Variants in RBFOX1 observed in about 807,000 individuals in gnomAD.
RBFOX1 encodes the protein RNA binding protein fox-1 homolog 1.
Under a neutral mutation model 57.7 loss-of-function variants are expected in RBFOX1, and 8 were observed. That is an observed-to-expected ratio of 0.14 (90% CI 0.08 to 0.25). RBFOX1 has a LOEUF of 0.25. RBFOX1 is among the 10% of genes least tolerant of loss of function. The pLI is 1.00. For missense variants in RBFOX1, 611 were observed against 548.5 expected (o/e 1.11, Z -1.14); for synonymous variants, 326 against 222.4 (o/e 1.47, Z -4.15).
intron 4 of RBFOX1, among the ~76,000 whole-genome samples, chr16:7,172,918 A>G (rs1157203502): frequency 1.3e-5 from 2 of 152,214 alleles, no homozygotes; most frequent in African/African-American, 2.4e-5. Flanking sequence ...AGAGACTTGA[A>G]TATCCTAGAG....
chr16:6,277,589 G>C (rs1333918683), intron 1 of RBFOX1, among the ~76,000 whole-genome samples: 19 of 150,036 alleles, frequency 1.3e-4, no homozygotes, highest in East Asian at 2.0e-4. Context: ...CTGGGCAATA[G>C]AGTGAGGTCG....
intron 4 of RBFOX1, among the ~76,000 whole-genome samples, chr16:7,464,665 G>A (rs940665069): frequency 4.2e-5 from 6 of 141,200 alleles, no homozygotes; most frequent in South Asian, 2.3e-4. Flanking sequence ...CTCCCCGCCC[G>A]AAATACTTCT....
At chr16:6,297,126 G>A (rs897121831) in intron 1 of RBFOX1, among the ~76,000 whole-genome samples, 1 of 152,144 alleles carries the variant, frequency 6.6e-6, no homozygotes, top group African/African-American at 2.4e-5. Flanking sequence ...TAGCGGTGAG[G>A]ACCACCAGAA....
chr16:7,687,164 A>G (rs1026767728), intron 14 of RBFOX1, among the ~76,000 whole-genome samples: 5 of 152,074 alleles, frequency 3.3e-5, no homozygotes, highest in African/African-American at 4.8e-5. Context: ...TCATTCTACA[A>G]TTTGCCACAG....
chr16:6,972,455 G>A (rs189344249), intron 3 of RBFOX1, among the ~76,000 whole-genome samples: 2 of 152,128 alleles, frequency 1.3e-5, no homozygotes, highest in African/African-American at 4.8e-5. Flanking sequence ...TCCCTTATGT[G>A]GAATGGATAC....
At chr16:5,839,451 C>T (rs1302904769) in intron 3 of RBFOX1, among the ~76,000 whole-genome samples, 1 of 152,190 alleles carries the variant, frequency 6.6e-6, no homozygotes, top group Non-Finnish European at 1.5e-5. Context: ...TTATCTGGTC[C>T]TGATTCACCA....
chr16:7,672,021 G>A (rs183037084), intron 13 of RBFOX1, among the ~76,000 whole-genome samples: 1 of 152,292 alleles, frequency 6.6e-6, no homozygotes, highest in East Asian at 1.9e-4. Flanking sequence ...TTTTTTAGTA[G>A]GTTCCCAGAG....
intron 4 of RBFOX1, among the ~76,000 whole-genome samples, chr16:5,986,490 G>A (rs1596348563): frequency 1.3e-5 from 2 of 152,146 alleles, no homozygotes; most frequent in East Asian, 1.9e-4. Context: ...TTAAGATATC[G>A]AATCATTCCA....
At chr16:7,349,221 G>A (rs2097080864) in intron 4 of RBFOX1, among the ~76,000 whole-genome samples, 1 of 152,166 alleles carries the variant, frequency 6.6e-6, no homozygotes, top group Non-Finnish European at 1.5e-5. Flanking sequence ...AAGAGATCAA[G>A]ATATCTTCCT....
intron 2 of RBFOX1, among the ~76,000 whole-genome samples, chr16:5,489,576 CT>C (rs527421535): frequency 7.4e-4 from 112 of 152,206 alleles, no homozygotes; most frequent in African/African-American, 2.6e-3. Context: ...GTGTCTATTC[CT>C]AGTGCTACCA....
chr16:7,075,305 A>G (rs1598787263), intron 4 of RBFOX1, among the ~76,000 whole-genome samples: 2 of 152,348 alleles, frequency 1.3e-5, no homozygotes, highest in South Asian at 4.1e-4. Flanking sequence ...TTAGTTAACA[A>G]TTATTTATAG....
At chr16:5,579,893 G>A (rs2046603867) in intron 2 of RBFOX1, among the ~76,000 whole-genome samples, 1 of 151,878 alleles carries the variant, frequency 6.6e-6, no homozygotes, top group African/African-American at 2.4e-5. Flanking sequence ...CCAAGTAGCT[G>A]GGATTACAGG....
intron 10 of RBFOX1, among the ~76,000 whole-genome samples, chr16:7,627,261 C>G (rs2060224582): frequency 1.3e-5 from 2 of 151,436 alleles, no homozygotes; most frequent in South Asian, 4.2e-4. Context: ...AGGTTTCATC[C>G]ACTTCACCAA....
At chr16:6,556,653 T>C (rs1048746532) in intron 2 of RBFOX1, among the ~76,000 whole-genome samples, 1 of 152,200 alleles carries the variant, frequency 6.6e-6, no homozygotes. Flanking sequence ...GATGCCACAG[T>C]GCCATGGCCA....
At chr16:6,619,798 C>T (rs536444784) in intron 2 of RBFOX1, among the ~76,000 whole-genome samples, 1 of 147,496 alleles carries the variant, frequency 6.8e-6, no homozygotes, top group Admixed American at 6.9e-5. Flanking sequence ...CAGATGATTT[C>T]ATCATCCAGA....
chr16:6,503,801 C>T (rs1490990906), intron 2 of RBFOX1, among the ~76,000 whole-genome samples: 2 of 152,104 alleles, frequency 1.3e-5, no homozygotes, highest in Non-Finnish European at 2.9e-5. Flanking sequence ...TCACACTCAC[C>T]TGGAAAAGGT....
chr16:5,856,187 CTATATATA>C (rs1200113050), intron 3 of RBFOX1, among the ~76,000 whole-genome samples: 5 of 31,068 alleles, frequency 1.6e-4, no homozygotes, highest in South Asian at 1.2e-3. Context: ...CTCTCTCTCT[CTATATATA>C]TATATATATA....
At chr16:6,274,734 A>G (rs1416038134) in intron 1 of RBFOX1, among the ~76,000 whole-genome samples, 1 of 152,216 alleles carries the variant, frequency 6.6e-6, no homozygotes, top group Non-Finnish European at 1.5e-5. Context: ...CTACAAATTC[A>G]TATGAATCTA....
intron 2 of RBFOX1, among the ~76,000 whole-genome samples, chr16:6,568,867 T>G (rs1567715484): frequency 6.6e-6 from 1 of 152,054 alleles, no homozygotes; most frequent in African/African-American, 2.4e-5. Context: ...CTCCTGGGTT[T>G]AAGCGATTAT....
Sources: gnomAD v4.1 joint callset for allele counts (sites outside exome capture counted in the v4.1 genomes callset) on GRCh38, gnomAD v4.1.1 for gene constraint, MANE v1.5 for transcripts, NCBI Gene and HGNC (gene_info 2026-07-23, HGNC 2026-07-21) for gene names.